CMTM8: variants seen among roughly 807,000 people sequenced by gnomAD.
CMTM8 encodes the protein CKLF like MARVEL transmembrane domain containing 8.
Under a neutral mutation model 18.6 loss-of-function variants are expected in CMTM8, and 12 were observed. The observed-to-expected ratio is 0.65, with a 90% confidence interval of 0.41 to 1.05. The LOEUF (loss-of-function observed/expected upper bound fraction) is 1.05. CMTM8 is among the 50% of genes least tolerant of loss of function. The probability of loss-of-function intolerance (pLI) is 0.00; values close to 1 mark genes in which losing one functional copy is unlikely to be tolerated. For synonymous variants in CMTM8, 87 were observed against 90.6 expected, an observed-to-expected ratio of 0.96 and a Z score of 0.23; for missense variants, 217 against 227.2, an observed-to-expected ratio of 0.95 and a Z score of 0.29.
intron 1 of CMTM8, among the ~76,000 whole-genome samples, chr3:32,284,384 G>A (rs1033793865): frequency 1.3e-5 from 2 of 152,348 alleles, no homozygotes; most frequent in Non-Finnish European, 2.9e-5. Context: ...CGGGATCTGC[G>A]AGGGGAATCA....
intron 1 of CMTM8, among the ~76,000 whole-genome samples, chr3:32,261,874 C>T (rs1702264112): frequency 6.6e-6 from 1 of 152,202 alleles, no homozygotes; most frequent in African/African-American, 2.4e-5. Flanking sequence ...ATGTCCCTTT[C>T]ATGGGAAAGT....
rs1008947637 is a variant in CMTM8, at chr3:32,358,784, A to G, written c.321+1238A>G. Among the ~76,000 whole-genome samples the G allele has an allele frequency of 1.3e-5, 2 of 152,256 alleles. No individual in the cohort carries two copies. The highest frequency in any genetic ancestry group is 2.9e-5 in the Non-Finnish European group (2 of 68,040). On this transcript the variant is annotated intron_variant, in intron 2 of 3. Transcript: ENST00000307526. This position sits in a 1 kb window ranked among gnomAD's most constrained non-coding sequence, Gnocchi z 4.1. ...AAAGTAATTCCAAATAAGGTGCTTAATCACTGTCTAGGGTGGTGGAAACAG... is the reference window on the plus strand; with the variant it reads ...AAAGTAATTCCAAATAAGGTGCTTAGTCACTGTCTAGGGTGGTGGAAACAG...
chr3:32,259,428 T>G, intron 1 of CMTM8: 1 of 841,382 alleles, frequency 1.2e-6, no homozygotes, highest in Non-Finnish European at 2.1e-6. Context: ...GCTGATGACT[T>G]TAGAGTCAAG....
chr3:32,305,717 T>C (rs372439185), intron 1 of CMTM8, among the ~76,000 whole-genome samples: 2 of 152,212 alleles, frequency 1.3e-5, no homozygotes, highest in Admixed American at 6.5e-5. Flanking sequence ...CACTCTTCAG[T>C]TCATACAGCA....
intron 1 of CMTM8, among the ~76,000 whole-genome samples, chr3:32,339,239 G>C (rs1220789899): frequency 6.6e-6 from 1 of 152,204 alleles, no homozygotes; most frequent in Non-Finnish European, 1.5e-5. Context: ...TCAGGGTCCT[G>C]TGGTGTTGTC....
chr3:32,306,651 A>G (rs116199270), intron 1 of CMTM8, among the ~76,000 whole-genome samples: 289 of 152,342 alleles, frequency 1.9e-3, no homozygotes, highest in African/African-American at 6.0e-3. Flanking sequence ...TGCTGAGGCA[A>G]ATGGTTACAT....
intron 1 of CMTM8, among the ~76,000 whole-genome samples, chr3:32,296,859 G>A (rs918251897): frequency 6.6e-6 from 1 of 152,192 alleles, no homozygotes; most frequent in Non-Finnish European, 1.5e-5. Flanking sequence ...CAGACTGTGT[G>A]TTATTGTGGC....
At chr3:32,351,015 C>T (rs941694361) in intron 1 of CMTM8, among the ~76,000 whole-genome samples, 6 of 152,324 alleles carry the variant, frequency 3.9e-5, no homozygotes, top group African/African-American at 1.4e-4. Context: ...AAACCATCCT[C>T]TTGAAAATTT....
chr3:32,362,494 G>A (rs34191613), intron 2 of CMTM8, among the ~76,000 whole-genome samples: 1 of 152,210 alleles, frequency 6.6e-6, no homozygotes. Context: ...GGCACTGAGA[G>A]GATGCTTGAG....
At chr3:32,295,047 T>C (rs1334379302) in intron 1 of CMTM8, among the ~76,000 whole-genome samples, 1 of 152,126 alleles carries the variant, frequency 6.6e-6, no homozygotes, top group African/African-American at 2.4e-5. Flanking sequence ...AGAGCAAGAC[T>C]CTGTCTCAAA....
intron 1 of CMTM8, among the ~76,000 whole-genome samples, chr3:32,281,685 C>T (rs1702612852): frequency 6.6e-6 from 1 of 152,124 alleles, no homozygotes; most frequent in Non-Finnish European, 1.5e-5. Flanking sequence ...ACTGAACCCT[C>T]TCCAATCAGC....
chr3:32,250,479 C>T (rs1559361442), intron 1 of CMTM8, among the ~76,000 whole-genome samples: 1 of 152,200 alleles, frequency 6.6e-6, no homozygotes, highest in Admixed American at 6.5e-5. Flanking sequence ...TTGGTGAGTA[C>T]TGCCATCATA....
At chr3:32,318,185 A>G (rs1695967984) in intron 1 of CMTM8, among the ~76,000 whole-genome samples, 1 of 152,164 alleles carries the variant, frequency 6.6e-6, no homozygotes, top group Admixed American at 6.5e-5. Context: ...TTGGAAAGAT[A>G]CACAAGAAAC....
In CMTM8 at chr3:32,267,795, A is replaced by G. The variant is rs562137237; in HGVS notation, c.147+28676A>G. ...ATCAAAAAGTGGGCGAAGGATATGA[A>G]CAGACACTTCTCAAAAGAAGACATT... is the stretch of plus-strand genomic sequence containing the variant. On this transcript the variant is annotated intron_variant, in intron 1 of 3. Coordinates refer to ENST00000307526, the MANE Select transcript of CMTM8 (RefSeq NM_178868.5). 1.1e-3 allele frequency among the ~76,000 whole-genome samples: 162 copies of G among 152,366 alleles called. 1 individual carries two copies. Among genetic ancestry groups the G allele is most frequent in the Non-Finnish European group, 9.6e-4 (65 of 68,042 alleles).
chr3:32,352,875 G>GT (rs5847757), intron 1 of CMTM8, among the ~76,000 whole-genome samples: 3 of 149,378 alleles, frequency 2.0e-5, no homozygotes, highest in African/African-American at 2.5e-5. Flanking sequence ...CATAGGTTCT[G>GT]TTTTTTTTTT....
Position 32,238,927 on chromosome 3 carries a change from C to G in CMTM8, c.-46C>G. 1 of 1,526,932 alleles carries G rather than the reference C, an allele frequency of 6.5e-7. No homozygotes were observed. Among genetic ancestry groups the G allele is most frequent in the Non-Finnish European group, 8.8e-7 (1 of 1,135,264 alleles). 94.6% of individuals were successfully genotyped at this position (1,526,932 alleles called of 1,614,324 possible). Reference sequence around the variant, plus strand: ...GCAGGGCCGCGCGTCCAGCCCCAGACCCGCCGGGGTCCCTGGGGACGCGCC... The same window carrying G: ...GCAGGGCCGCGCGTCCAGCCCCAGAGCCGCCGGGGTCCCTGGGGACGCGCC... On this transcript the variant is annotated 5_prime_UTR_variant, in exon 1 of 4. Transcript: ENST00000307526.
intron 1 of CMTM8, among the ~76,000 whole-genome samples, chr3:32,348,402 C>G (rs539195903): frequency 1.0e-3 from 157 of 152,104 alleles, no homozygotes; most frequent in Non-Finnish European, 1.2e-3. Context: ...GTGCTGGGTA[C>G]TTAGAGGAGT....
chr3:32,286,575 T>A (rs1470448417), intron 1 of CMTM8, among the ~76,000 whole-genome samples: 1 of 152,198 alleles, frequency 6.6e-6, no homozygotes, highest in Non-Finnish European at 1.5e-5. Flanking sequence ...AGCCTGCATT[T>A]TGCATGGGAG....
chr3:32,269,897 C>T (rs989974115), intron 1 of CMTM8, among the ~76,000 whole-genome samples: 1 of 152,034 alleles, frequency 6.6e-6, no homozygotes, highest in African/African-American at 2.4e-5. Flanking sequence ...CCTGTCTCAG[C>T]CTCCTGAGTA....
Sources: gnomAD v4.1 joint callset for allele counts (sites outside exome capture counted in the v4.1 genomes callset) on GRCh38, gnomAD v4.1.1 for gene constraint, Gnocchi (gnomAD v3.1) non-coding constraint, MANE v1.5 for transcripts, NCBI Gene and HGNC (gene_info 2026-07-23, HGNC 2026-07-21) for gene names.